ZNF785: variants seen among roughly 807,000 people sequenced by gnomAD.
ZNF785 encodes zinc finger protein 785.
In ZNF785, 15 loss-of-function variants were observed where a neutral mutation model predicts 11.3. That is an observed-to-expected ratio of 1.32 (90% CI 0.89 to 2.04). The LOEUF is 2.04. Among genes scored for constraint, ZNF785 ranks in the 30% most tolerant of loss-of-function variants. ZNF785 has a pLI of 0.00. For synonymous variants in ZNF785, 221 were observed against 231.0 expected, an observed-to-expected ratio of 0.96 and a Z score of 0.39; for missense variants, 572 against 560.9, an observed-to-expected ratio of 1.02 and a Z score of -0.20.
chr16:30,585,659 G>A lies in ZNF785; in HGVS notation c.-48C>T, dbSNP rs1247779178. On this transcript the variant is annotated 5_prime_UTR_variant, in exon 1 of 3. Coordinates refer to ENST00000395216, the MANE Select transcript of ZNF785 (RefSeq NM_152458.7). The surrounding 1 kb of genome is among the most constrained non-coding windows in gnomAD (Gnocchi z 4.0). ...AAGGGAGGCTTCCGGGGAAGGTGGA[G>A]ATGCTGGCGCTTTCCTGTCTTTCCT... 6.9e-7 allele frequency: 1 copy of A among 1,447,064 alleles called. No homozygotes were observed. The highest frequency in any genetic ancestry group is 2.5e-5 in the East Asian group (1 of 39,770). The allele number at this position is 1,447,064 out of a possible 1,614,324, so 89.6% of individuals were successfully genotyped here. A position where few individuals can be genotyped will look rare whatever the true frequency, so the allele number is the denominator to read the frequency against.
At chr16:30,580,206 G>GTATTTTTAGT (rs2051788813), downstream of ZNF785, among the ~76,000 whole-genome samples, 2 of 27,690 alleles carry the variant, frequency 7.2e-5, no homozygotes, top group Non-Finnish European at 1.4e-4. Flanking sequence ...TTTTTTTTTT[G>GTATTTTTAGT]AGATAGAGTC....
Position 30,582,798 on chromosome 16 carries a change from A to G in ZNF785, c.980T>C (p.Leu327Pro), listed in dbSNP as rs1368123535. The G allele has an allele frequency of 2.5e-6, 4 of 1,607,104 alleles. No individual in the cohort carries two copies. The East Asian group carries it at 6.7e-5, about 27-fold the overall frequency. ...CGRRFTYSSL[L>P]LSHRRIHSDS... ...GGAGTGAATGCGCCGGTGACTGAGG[A>G]GGAGGGAAGAATAGGTGAAGCGGCG... Residue 327 changes from leucine to proline, a missense_variant, in exon 3 of 3, where the codon CTC becomes CCC. Leu to Pro is a moderately conservative substitution (Grantham distance 98, BLOSUM62 -3). Coordinates refer to ENST00000395216, the MANE Select transcript of ZNF785 (RefSeq NM_152458.7).
In ZNF785 at chr16:30,585,486, C is replaced by G. The variant is rs1356669372; in HGVS notation, c.126G>C (p.Glu42Asp). The G allele has an allele frequency of 1.2e-6, 2 of 1,603,228 alleles. No homozygotes were observed. Among genetic ancestry groups the G allele is most frequent in the South Asian group, 1.1e-5 (1 of 89,862 alleles). Residue 42 changes from glutamate to aspartate, a missense_variant, in exon 1 of 3, where the codon GAG becomes GAC. Glu to Asp is a conservative substitution (Grantham distance 45). Transcript: ENST00000395216. The surrounding 1 kb of genome is among the most constrained non-coding windows in gnomAD (Gnocchi z 4.0). ...ADVAVYFSPEEWECLRPAQRA... is the reference protein window; with the variant it reads ...ADVAVYFSPEDWECLRPAQRA... ...TCTGCGCTGGCCGCAGGCATTCCCA[C>G]TCCTCGGGAGAGAAGTACACGGCCA...
At chr16:30,578,445 C>T (rs2051767945), downstream of ZNF785, 1 of 152,214 alleles carries the variant, frequency 6.6e-6, no homozygotes, top group Non-Finnish European at 1.5e-5. Flanking sequence ...AGTCACACAA[C>T]ATACAGGAGA....
In ZNF785 at chr16:30,585,376, TGGGG is replaced by T. The variant is rs762439660; in HGVS notation, c.205+27_205+30del. On this transcript the variant is annotated intron_variant, in intron 1 of 2. Coordinates refer to ENST00000395216, the MANE Select transcript of ZNF785 (RefSeq NM_152458.7). This position sits in a 1 kb window ranked among gnomAD's most constrained non-coding sequence, Gnocchi z 4.0. ...CGATCACCGCTTCCCACCGACGGAC[TGGGG>T]GTCCCGGCCGGAGGGCCCGGCCTCA... is the stretch of plus-strand genomic sequence containing the variant. 2.3e-5 allele frequency: 36 copies of T among 1,574,788 alleles called. No individual in the cohort carries two copies. The highest frequency in any genetic ancestry group is 3.1e-5 in the Non-Finnish European group (36 of 1,162,302).
At position 30,585,359 on chromosome 16, in the gene ZNF785, G is replaced by A. The variant is rs1050354235; in HGVS notation, c.205+48C>T. ...CTAGCCTCTGGGGACACCGATCACC[G>A]CTTCCCACCGACGGACTGGGGGTCC... On this transcript the variant is annotated intron_variant, in intron 1 of 2. Transcript: ENST00000395216. This position sits in a 1 kb window ranked among gnomAD's most constrained non-coding sequence, Gnocchi z 4.0. 1.3e-6 allele frequency: 2 copies of A among 1,571,598 alleles called. No homozygotes were observed. The highest frequency in any genetic ancestry group is 1.2e-5 in the South Asian group (1 of 86,826).
chr16:30,584,144 C>CA (rs1350203745), intron 2 of ZNF785, among the ~76,000 whole-genome samples: 1 of 151,386 alleles, frequency 6.6e-6, no homozygotes, highest in African/African-American at 2.4e-5. Flanking sequence ...GACTCAGTCT[C>CA]AAAAAAATAA....
rs1450061037 is a variant in ZNF785 at position 30,583,164 on chromosome 16, CACTG to C, written c.610_613del (p.Gln204ValfsTer225). 35 of 1,614,012 alleles carry C rather than the reference CACTG, an allele frequency of 2.2e-5. No homozygotes were observed. The highest frequency in any genetic ancestry group is 2.8e-5 in the Non-Finnish European group (33 of 1,180,006). ...CCTGCGCTGGGAGAAACGCGCCTGACACTGGCCGCAGGAGAAGGGCCGCTCCCCG... is the reference window on the plus strand; with the variant it reads ...CCTGCGCTGGGAGAAACGCGCCTGACGCCGCAGGAGAAGGGCCGCTCCCCG... On this transcript the variant is annotated frameshift_variant, in exon 3 of 3. Coordinates refer to ENST00000395216, the MANE Select transcript of ZNF785 (RefSeq NM_152458.7). LOFTEE classifies it low-confidence loss of function (END_TRUNC).
At position 30,583,208 on chromosome 16, in the gene ZNF785, G is replaced by A. The variant is rs1431847471; in HGVS notation, c.570C>T (p.His190=). 1 of 1,614,082 alleles carries A rather than the reference G, an allele frequency of 6.2e-7. No individual in the cohort carries two copies. Among genetic ancestry groups the A allele is most frequent in the African/African-American group, 1.3e-5 (1 of 75,064 alleles). ...GCCGCTCCCCGGAGTGGACCCGCTGGTGGCTGGCCAGGAGGGAAGGGTAGC... is the reference window on the plus strand; with the variant it reads ...GCCGCTCCCCGGAGTGGACCCGCTGATGGCTGGCCAGGAGGGAAGGGTAGC... The part of the protein sequence containing the change: ...NFSYPSLLAS[H]QRVHSGERPF... The change falls in exon 3 of 3, where the codon CAC becomes CAT. Residue 190 remains histidine (H), a synonymous_variant. Transcript: ENST00000395216.
At chr16:30,580,207 A>ATTTTT (rs2051788883), downstream of ZNF785, among the ~76,000 whole-genome samples, 1 of 35,806 alleles carries the variant, frequency 2.8e-5, no homozygotes. Context: ...TTTTTTTTTG[A>ATTTTT]GATAGAGTCT....
rs372324000 is a variant in ZNF785, at chr16:30,585,272, C to A, written c.206-22G>T. ...AATCCTGCGAAGGAGAAACAATGGG[C>A]TCGGCTGAGCGCACGGGAGGGGAGA... On this transcript the variant is annotated intron_variant, in intron 1 of 2. Coordinates refer to ENST00000395216, the MANE Select transcript of ZNF785 (RefSeq NM_152458.7). The surrounding 1 kb of genome is among the most constrained non-coding windows in gnomAD (Gnocchi z 4.0). 4.7e-5 allele frequency: 75 copies of A among 1,612,568 alleles called. No individual in the cohort carries two copies. In the African/African-American group the frequency reaches 9.9e-4, roughly 21 times the overall value.
downstream of ZNF785, chr16:30,580,616 A>C (rs969469129): frequency 6.6e-6 from 1 of 150,736 alleles, no homozygotes; most frequent in African/African-American, 2.4e-5. Flanking sequence ...CGGCTTCCCA[A>C]AGTGCTGGGA....
In ZNF785 at chr16:30,582,591, T is replaced by C; in HGVS notation, c.1187A>G (p.His396Arg). Reference sequence around the variant, plus strand: ...ACACTCTTGAAATATATCTGGAAAGTGCCGGAAGTGAACTGGGGGATCCTT... The same window carrying C: ...ACACTCTTGAAATATATCTGGAAAGCGCCGGAAGTGAACTGGGGGATCCTT... The part of the protein sequence containing the change: ...GGKDPPVHFR[H>R]FPDIFQECG Residue 396 changes from histidine to arginine, a missense_variant, in exon 3 of 3, where the codon CAC (histidine) becomes CGC (arginine). By Grantham distance (29) the His-to-Arg change is conservative (BLOSUM62 0). Coordinates refer to ENST00000395216, the MANE Select transcript of ZNF785 (RefSeq NM_152458.7). The C allele has an allele frequency of 6.2e-7, 1 of 1,614,092 alleles. No individual in the cohort carries two copies. Among genetic ancestry groups the C allele is most frequent in the Non-Finnish European group, 8.5e-7 (1 of 1,180,050 alleles).
In ZNF785 at chr16:30,580,811, G is replaced by A. The variant is rs1024917803; in HGVS notation, c.*1749C>T. ...GCCACCGCGCCTGGCCTTCATAACT[G>A]TTGACATACAAGCATTACAGTAAAA... On this transcript the variant is annotated 3_prime_UTR_variant, in exon 3 of 3. Coordinates refer to ENST00000395216, the MANE Select transcript of ZNF785 (RefSeq NM_152458.7). The A allele has an allele frequency of 6.6e-6, 1 of 151,842 alleles. No homozygotes were observed. 9.4% of individuals were successfully genotyped at this position (151,842 alleles called of 1,614,324 possible). A position where few individuals can be genotyped will look rare whatever the true frequency, so the allele number is the denominator to read the frequency against.
At position 30,582,832 on chromosome 16, in the gene ZNF785, C is replaced by A; in HGVS notation, c.946G>T (p.Asp316Tyr). Residue 316 changes from aspartate to tyrosine, a missense_variant, in exon 3 of 3, where the codon GAC (aspartate) becomes TAC (tyrosine). Coordinates refer to ENST00000395216, the MANE Select transcript of ZNF785 (RefSeq NM_152458.7). ...GAATAGGTGAAGCGGCGGCCGCAGT[C>A]AGGACAGGGGTAGGGCTTCTCGCCG... ...HTGEKPYPCP[D>Y]CGRRFTYSSL... 3.1e-6 allele frequency: 5 copies of A among 1,609,348 alleles called. No individual in the cohort carries two copies. The highest frequency in any genetic ancestry group is 4.2e-6 in the Non-Finnish European group (5 of 1,176,928).
chr16:30,582,530 G>A lies in ZNF785; in HGVS notation c.*30C>T. ...ACAAACCTTGCCTCTTCCTCTCCAG[G>A]GAAACGCTGACCAGTTTGTGTGAAC... is the stretch of plus-strand genomic sequence containing the variant. On this transcript the variant is annotated 3_prime_UTR_variant, in exon 3 of 3. Transcript: ENST00000395216. 1 of 1,610,006 alleles carries A rather than the reference G, an allele frequency of 6.2e-7. No homozygotes were observed. The highest frequency in any genetic ancestry group is 8.5e-7 in the Non-Finnish European group (1 of 1,177,364).
At position 30,585,518 on chromosome 16, in the gene ZNF785, C is replaced by A. The variant is rs1390976969; in HGVS notation, c.94G>T (p.Ala32Ser). ...RESRPGAVSF[A>S]DVAVYFSPEE... ...GGAGAGAAGTACACGGCCACGTCCGCGAAGCTCACGGCGCCCGGCCTGCTT... is the reference window on the plus strand; with the variant it reads ...GGAGAGAAGTACACGGCCACGTCCGAGAAGCTCACGGCGCCCGGCCTGCTT... The change falls in exon 1 of 3, where the codon GCG becomes TCG. Residue 32 changes from alanine (A) to serine (S), a missense_variant. Coordinates refer to ENST00000395216, the MANE Select transcript of ZNF785 (RefSeq NM_152458.7). This position sits in a 1 kb window ranked among gnomAD's most constrained non-coding sequence, Gnocchi z 4.0. The A allele has an allele frequency of 4.4e-6, 7 of 1,590,850 alleles. No homozygotes were observed. Among genetic ancestry groups the A allele is most frequent in the Non-Finnish European group, 5.1e-6 (6 of 1,169,822 alleles).
chr16:30,583,865 G>GGGC (rs2051854450), intron 2 of ZNF785: 1 of 154,058 alleles, frequency 6.5e-6, no homozygotes, highest in Non-Finnish European at 1.4e-5. Context: ...AAAAAATGCT[G>GGGC]GGCGTGGTGG....
chr16:30,585,336 A>G lies in ZNF785; in HGVS notation c.205+71T>C, dbSNP rs1173432176. 1 of 1,578,400 alleles carries G rather than the reference A, an allele frequency of 6.3e-7. No homozygotes were observed. The highest frequency in any genetic ancestry group is 8.6e-7 in the Non-Finnish European group (1 of 1,164,194). ...CTCGGCGCCCCGCTTCCAGCCCACT[A>G]GCCTCTGGGGACACCGATCACCGCT... On this transcript the variant is annotated intron_variant, in intron 1 of 2. Transcript: ENST00000395216. This position sits in a 1 kb window ranked among gnomAD's most constrained non-coding sequence, Gnocchi z 4.0.
Sources: gnomAD v4.1 joint callset for allele counts (sites outside exome capture counted in the v4.1 genomes callset) on GRCh38, gnomAD v4.1.1 for gene constraint, Gnocchi (gnomAD v3.1) non-coding constraint, MANE v1.5 for transcripts, NCBI Gene and HGNC (gene_info 2026-07-23, HGNC 2026-07-21) for gene names.